Variants in GNAI1 observed in about 807,000 individuals in gnomAD.
The protein encoded by GNAI1 is guanine nucleotide-binding protein G(i) subunit alpha-1.
GNAI1 carries 11 observed loss-of-function variants against 38.9 expected under a neutral mutation model. The ratio of observed to expected loss-of-function variants is 0.28; its 90% CI spans 0.18 to 0.47. The LOEUF is 0.47. GNAI1 is among the 20% of genes least tolerant of loss of function. The probability of loss-of-function intolerance (pLI) is 0.99; values close to 1 mark genes in which losing one functional copy is unlikely to be tolerated. For synonymous variants in GNAI1, 166 were observed against 145.1 expected, an observed-to-expected ratio of 1.14 and a Z score of -1.04; for missense variants, 317 against 436.9, an observed-to-expected ratio of 0.73 and a Z score of 2.45.
At chr7:80,166,726 A>G (rs981549336) in intron 1 of GNAI1, among the ~76,000 whole-genome samples, 2 of 152,176 alleles carry the variant, frequency 1.3e-5, no homozygotes, top group African/African-American at 2.4e-5. Flanking sequence ...TTTCAGTTTG[A>G]TATCTCCCAC....
intron 1 of GNAI1, among the ~76,000 whole-genome samples, chr7:80,167,573 C>A (rs1788032838): frequency 6.6e-6 from 1 of 152,094 alleles, no homozygotes; most frequent in Admixed American, 6.5e-5. Flanking sequence ...CTATAATATG[C>A]CCATCTGCAA....
chr7:80,189,569 C>A (rs1788445008), intron 3 of GNAI1, among the ~76,000 whole-genome samples: 1 of 152,140 alleles, frequency 6.6e-6, no homozygotes, highest in African/African-American at 2.4e-5. Context: ...TGGCCCTCTT[C>A]AAAATCTGTT....
intron 1 of GNAI1, among the ~76,000 whole-genome samples, chr7:80,167,650 CTT>C (rs1788034542): frequency 6.6e-6 from 1 of 152,134 alleles, no homozygotes; most frequent in Non-Finnish European, 1.5e-5. Flanking sequence ...ACAACTGTGT[CTT>C]TATAAAAGTT....
At chr7:80,166,254 C>G (rs1222569648) in intron 1 of GNAI1, among the ~76,000 whole-genome samples, 2 of 152,096 alleles carry the variant, frequency 1.3e-5, no homozygotes, top group East Asian at 3.9e-4. Context: ...ACTGGGGAAT[C>G]TTTCATCCTT....
chr7:80,165,564 A>C (rs994806627), intron 1 of GNAI1, among the ~76,000 whole-genome samples: 13 of 152,344 alleles, frequency 8.5e-5, no homozygotes, highest in African/African-American at 2.9e-4. Context: ...TTATTTTTAA[A>C]GACAGTCTTT....
rs1291857466 is a variant in GNAI1, at chr7:80,220,858, T to G, written c.*3365T>G. Among the ~76,000 whole-genome samples, 1 of 152,166 alleles carries G rather than the reference T, an allele frequency of 6.6e-6. No homozygotes were observed. The highest frequency in any genetic ancestry group is 1.5e-5 in the Non-Finnish European group (1 of 68,030). On this transcript the variant is annotated 3_prime_UTR_variant, in exon 8 of 8. Coordinates refer to ENST00000649796, the MANE Select transcript of GNAI1 (RefSeq NM_002069.6). ...TTATTTCCAGAAAATGTGTAAGTAG[T>G]GTTTCGCCTATCCCCACTCTGCCCT...
At chr7:80,171,450 T>C (rs73378661) in intron 1 of GNAI1, among the ~76,000 whole-genome samples, 346 of 152,322 alleles carry the variant, frequency 2.3e-3, no homozygotes, top group African/African-American at 8.0e-3. Flanking sequence ...GCTTGTCTTT[T>C]ATTGATCTCC....
At chr7:80,213,308 T>C (rs984600304) in intron 7 of GNAI1, among the ~76,000 whole-genome samples, 3 of 152,102 alleles carry the variant, frequency 2.0e-5, no homozygotes, top group Non-Finnish European at 2.9e-5. Context: ...GACAGGATCA[T>C]TGAGGCAGCT....
At chr7:80,199,485 G>T in intron 4 of GNAI1, 103 bp downstream of exon 4, 1 of 809,924 alleles carries the variant, frequency 1.2e-6, no homozygotes, top group Non-Finnish European at 1.9e-6. Flanking sequence ...ACACATTCTT[G>T]TACAACTTAG....
At chr7:80,215,316 T>C (rs191120485) in intron 7 of GNAI1, among the ~76,000 whole-genome samples, 35 of 152,320 alleles carry the variant, frequency 2.3e-4, no homozygotes, top group Middle Eastern at 6.8e-3. Context: ...AGGCACTCAA[T>C]GTAAGCTGTT....
chr7:80,213,879 A>G (rs762629137), intron 7 of GNAI1, among the ~76,000 whole-genome samples: 17 of 151,284 alleles, frequency 1.1e-4, no homozygotes, highest in Non-Finnish European at 2.4e-4. Flanking sequence ...TTGTTTTTTT[A>G]TAAACAGAAT....
chr7:80,138,662 A>G (rs1315790757), intron 1 of GNAI1, among the ~76,000 whole-genome samples: 1 of 152,176 alleles, frequency 6.6e-6, no homozygotes, highest in Non-Finnish European at 1.5e-5. Context: ...ATATTATTTT[A>G]TTATGTATTT....
intron 1 of GNAI1, among the ~76,000 whole-genome samples, chr7:80,161,265 T>G (rs901920252): frequency 6.6e-6 from 1 of 152,204 alleles, no homozygotes; most frequent in Admixed American, 6.6e-5. Flanking sequence ...ACGTATTGTT[T>G]TACTGGTCAG....
At chr7:80,137,293 C>CTTTTTTTTTTTTCTTTT (rs1787433036) in intron 1 of GNAI1, among the ~76,000 whole-genome samples, 1 of 95,260 alleles carries the variant, frequency 1.0e-5, no homozygotes, top group Non-Finnish European at 1.9e-5. Context: ...TTTCTTTTTT[C>CTTTTTTTTTTTTCTTTT]TTTTTTTTTT....
At chr7:80,200,048 C>T (rs1788650443) in intron 4 of GNAI1, among the ~76,000 whole-genome samples, 1 of 151,508 alleles carries the variant, frequency 6.6e-6, no homozygotes, top group African/African-American at 2.4e-5. Context: ...GGTGAGGTGG[C>T]TCATTGCTTG....
rs1789008212 is a variant in GNAI1, at chr7:80,218,255, A to T, written c.*762A>T. The T allele has an allele frequency of 6.6e-6, 1 of 152,084 alleles. No individual in the cohort carries two copies. Among genetic ancestry groups the T allele is most frequent in the South Asian group, 2.1e-4 (1 of 4,828 alleles). The allele number at this position is 152,084 out of a possible 1,614,324, so 9.4% of individuals were successfully genotyped here. A position where few individuals can be genotyped will look rare whatever the true frequency, so the allele number is the denominator to read the frequency against. On this transcript the variant is annotated 3_prime_UTR_variant, in exon 8 of 8. Coordinates refer to ENST00000649796, the MANE Select transcript of GNAI1 (RefSeq NM_002069.6). The stretch of plus-strand genomic sequence containing the variant: ...AAACTAAAATTTCAGATTTCTGAGG[A>T]TATACTGTCTTAGACTTATTGTACA...
intron 6 of GNAI1, among the ~76,000 whole-genome samples, chr7:80,211,872 A>G (rs192119133): frequency 3.3e-5 from 5 of 152,328 alleles, no homozygotes; most frequent in East Asian, 3.9e-4. Context: ...GAAAAAGTAG[A>G]AATGTCGGTT....
At chr7:80,147,607 A>G (rs1787650934) in intron 1 of GNAI1, among the ~76,000 whole-genome samples, 2 of 152,160 alleles carry the variant, frequency 1.3e-5, no homozygotes, top group Non-Finnish European at 2.9e-5. Context: ...GTTTACAGTC[A>G]TTGGACTTGA....
At chr7:80,196,428 C>A (rs1788575760) in intron 3 of GNAI1, among the ~76,000 whole-genome samples, 1 of 151,988 alleles carries the variant, frequency 6.6e-6, no homozygotes, top group Admixed American at 6.6e-5. Context: ...CTGTATCACA[C>A]TATTTTGGTA....
Sources: allele counts gnomAD v4.1 joint callset (sites outside exome capture counted in the v4.1 genomes callset), GRCh38; gene constraint gnomAD v4.1.1; transcripts MANE v1.5; gene names NCBI Gene and HGNC (gene_info 2026-07-23, HGNC 2026-07-21).